PIK3C3: variants seen among roughly 807,000 people sequenced by gnomAD.
The protein encoded by PIK3C3 is phosphatidylinositol 3-kinase catalytic subunit type 3, also known as PI3-kinase type 3.
Under a neutral mutation model 126.1 loss-of-function variants are expected in PIK3C3, and 95 were observed. The ratio of observed to expected loss-of-function variants is 0.75; its 90% CI spans 0.64 to 0.89. The LOEUF (loss-of-function observed/expected upper bound fraction) is 0.89. Ranked by LOEUF, PIK3C3 falls within the 40% of genes least tolerant of loss-of-function variation. The pLI, the probability that PIK3C3 is intolerant of heterozygous loss-of-function variation, is 0.00. For synonymous variants in PIK3C3, 374 were observed against 360.0 expected (o/e 1.04, Z -0.44); for missense variants, 829 against 1,063.2 (o/e 0.78, Z 3.06).
In PIK3C3 at chr18:42,084,786, G is replaced by A. The variant is rs1986363607; in HGVS notation, c.*3649G>A. 6.6e-6 allele frequency: 1 copy of A among 152,140 alleles called. No homozygotes were observed. Among genetic ancestry groups the A allele is most frequent in the African/African-American group, 2.4e-5 (1 of 41,418 alleles). 9.4% of individuals were successfully genotyped at this position (152,140 alleles called of 1,614,324 possible). A position where few individuals can be genotyped will look rare whatever the true frequency, so the allele number is the denominator to read the frequency against. ...AAACCTCCTGGGAACCTTATTAAAT[G>A]TGCACATTCCCAATCCCCACTCCTG... is the stretch of plus-strand genomic sequence containing the variant. On this transcript the variant is annotated 3_prime_UTR_variant, in exon 25 of 25. Transcript: ENST00000262039.
At chr18:41,991,555 G>A (rs889745735) in intron 6 of PIK3C3, among the ~76,000 whole-genome samples, 6 of 152,118 alleles carry the variant, frequency 3.9e-5, no homozygotes, top group African/African-American at 9.7e-5. Context: ...ATTAGAAGCA[G>A]TCCTTTTAAA....
rs1367549369 is a variant in PIK3C3, at chr18:42,043,607, C to T, written c.2104-126C>T. 2.8e-5 allele frequency: 16 copies of T among 568,314 alleles called. No homozygotes were observed. In the Admixed American group the frequency reaches 4.1e-4, roughly 15 times the overall value. 35.2% of individuals were successfully genotyped at this position (568,314 alleles called of 1,614,324 possible). On this transcript the variant is annotated intron_variant, in intron 19 of 24. Transcript: ENST00000262039. ...TCTTACAATTCTTTTGTTCAGTCAG[C>T]ATCTCTCATACTGTATTTTGATTAA...
intron 22 of PIK3C3, among the ~76,000 whole-genome samples, chr18:42,060,083 A>G (rs1371714106): frequency 6.6e-6 from 1 of 151,948 alleles, no homozygotes; most frequent in East Asian, 1.9e-4. Flanking sequence ...GCCAACATTT[A>G]TTTTTTAATG....
At chr18:41,997,185 C>T (rs922348657) in intron 9 of PIK3C3, among the ~76,000 whole-genome samples, 3 of 152,036 alleles carry the variant, frequency 2.0e-5, no homozygotes, top group South Asian at 2.1e-4. Context: ...TAGGAAAATA[C>T]GTATGCTTTT....
In PIK3C3 at chr18:41,955,332, A is replaced by G; in HGVS notation, c.41A>G (p.Asp14Gly). The G allele has an allele frequency of 6.2e-7, 1 of 1,613,552 alleles. No individual in the cohort carries two copies. Among genetic ancestry groups the G allele is most frequent in the Non-Finnish European group, 8.5e-7 (1 of 1,179,764 alleles). Reference sequence around the variant, plus strand: ...AAGTTTCACTACATCTATAGTTGTGACCTGGATATCAACGTCCAGCTTAAG... The same window carrying G: ...AAGTTTCACTACATCTATAGTTGTGGCCTGGATATCAACGTCCAGCTTAAG... ...AEKFHYIYSC[D>G]LDINVQLKIG... Residue 14 changes from aspartate to glycine, a missense_variant, in exon 1 of 25, where the codon GAC becomes GGC. By Grantham distance (94) the Asp-to-Gly change is moderately conservative (BLOSUM62 -1). Transcript: ENST00000262039.
At chr18:42,051,955 C>T (rs1984823119) in intron 21 of PIK3C3, among the ~76,000 whole-genome samples, 1 of 150,372 alleles carries the variant, frequency 6.7e-6, no homozygotes, top group African/African-American at 2.4e-5. Context: ...GCACATGTAC[C>T]CTAAAACTTA....
chr18:42,010,034 G>A (rs1001943853), intron 10 of PIK3C3, among the ~76,000 whole-genome samples: 3 of 152,148 alleles, frequency 2.0e-5, no homozygotes, highest in African/African-American at 4.8e-5. Context: ...TCTGCAGCAT[G>A]CAATGCTGCT....
chr18:41,993,181 A>G (rs1265137971), intron 6 of PIK3C3, 89 bp from the exon 7 acceptor site: 1 of 647,500 alleles, frequency 1.5e-6, no homozygotes, highest in Non-Finnish European at 2.6e-6. Flanking sequence ...TTCATCAAAT[A>G]GAATTAAAAT....
chr18:42,062,639 T>C (rs1299678794), intron 22 of PIK3C3, among the ~76,000 whole-genome samples: 2 of 152,046 alleles, frequency 1.3e-5, no homozygotes, highest in Non-Finnish European at 2.9e-5. Flanking sequence ...CCCTTACCAT[T>C]TTCATCCAGT....
chr18:42,020,740 T>A, intron 13 of PIK3C3, 35 bp downstream of exon 13: 1 of 1,167,878 alleles, frequency 8.6e-7, no homozygotes, highest in Non-Finnish European at 1.3e-6. Context: ...ATTTTCTTAT[T>A]ACCCTTAAGA....
chr18:41,976,465 A>T (rs583163), intron 4 of PIK3C3, among the ~76,000 whole-genome samples: 12,639 of 152,226 alleles, frequency 0.083, 1,718 homozygotes, highest in African/African-American at 0.28. Flanking sequence ...TTGTATGTGT[A>T]AAGTGCTTTA....
intron 7 of PIK3C3, among the ~76,000 whole-genome samples, chr18:41,994,749 A>T (rs1412124745): frequency 2.0e-5 from 3 of 152,130 alleles, no homozygotes; most frequent in African/African-American, 7.2e-5. Flanking sequence ...TTAGGAAATG[A>T]AACTAGGCCA....
intron 15 of PIK3C3, among the ~76,000 whole-genome samples, chr18:42,029,654 T>C (rs1203952562): frequency 6.8e-6 from 1 of 147,952 alleles, no homozygotes; most frequent in African/African-American, 2.5e-5. Context: ...TCAATTCTCA[T>C]GCCCCAGCCT....
At chr18:42,071,494 C>A (rs890741952) in intron 24 of PIK3C3, among the ~76,000 whole-genome samples, 1 of 152,012 alleles carries the variant, frequency 6.6e-6, no homozygotes, top group Non-Finnish European at 1.5e-5. Context: ...CCAAGGCAGG[C>A]GAATCACATG....
intron 16 of PIK3C3, among the ~76,000 whole-genome samples, chr18:42,036,798 A>G (rs1232389798): frequency 2.6e-5 from 4 of 152,134 alleles, no homozygotes; most frequent in Non-Finnish European, 5.9e-5. Flanking sequence ...TTAAAGCTGC[A>G]CAACTAGTAC....
intron 1 of PIK3C3, among the ~76,000 whole-genome samples, chr18:41,956,800 G>T (rs7238722): frequency 0.99 from 150,877 of 152,312 alleles, 74,727 homozygotes; most frequent in East Asian, 1. Context: ...TGTTACTTAC[G>T]TTGTGACTGT....
rs1409765345 is a variant in PIK3C3, at chr18:42,086,865, T to G, written c.*5728T>G. ...TGGTCTGCCTATGGAGTAGCCATCC[T>G]TTCTTTATTAACCTGCTTTCACTTT... On this transcript the variant is annotated 3_prime_UTR_variant, in exon 25 of 25. Transcript: ENST00000262039. 1 of 152,216 alleles carries G rather than the reference T, an allele frequency of 6.6e-6. No individual in the cohort carries two copies. Among genetic ancestry groups the G allele is most frequent in the Non-Finnish European group, 1.5e-5 (1 of 68,036 alleles). The allele number at this position is 152,216 out of a possible 1,614,324, so 9.4% of individuals were successfully genotyped here. A position where few individuals can be genotyped will look rare whatever the true frequency, so the allele number is the denominator to read the frequency against.
rs1333521668 is a variant in PIK3C3 at position 42,062,248 on chromosome 18, TTTTTTTA to T, written c.2433-2490_2433-2484del. 2.0e-4 allele frequency among the ~76,000 whole-genome samples: 30 copies of T among 151,996 alleles called. 1 individual carries two copies. The South Asian group carries it at 6.0e-3, about 30-fold the overall frequency. The stretch of plus-strand genomic sequence containing the variant: ...TAGTTGAAAGAGCATCTTTTTTTTT[TTTTTTTA>T]TAATATGTAACAGCGGATTGTACGC... On this transcript the variant is annotated intron_variant, in intron 22 of 24. Coordinates refer to ENST00000262039, the MANE Select transcript of PIK3C3 (RefSeq NM_002647.4).
intron 13 of PIK3C3, among the ~76,000 whole-genome samples, chr18:42,025,091 C>T (rs961651843): frequency 6.6e-6 from 1 of 152,122 alleles, no homozygotes; most frequent in African/African-American, 2.4e-5. Context: ...GGATTACAGG[C>T]ATGAGCCACC....
Sources: allele counts gnomAD v4.1 joint callset (sites outside exome capture counted in the v4.1 genomes callset), GRCh38; gene constraint gnomAD v4.1.1; transcripts MANE v1.5; gene names NCBI Gene and HGNC (gene_info 2026-07-23, HGNC 2026-07-21).